The following RNF169 variants were observed in gnomAD, a reference collection of about 807,000 sequenced individuals.
RNF169 encodes the protein ring finger protein 169, also known as E3 ubiquitin-protein ligase RNF169.
A neutral mutation model predicts 53.9 loss-of-function variants in RNF169; 24 were observed. That is an observed-to-expected ratio of 0.45 (90% confidence interval 0.32 to 0.63). The LOEUF (loss-of-function observed/expected upper bound fraction) is 0.63, where lower values mean the gene tolerates loss of function less well. Among genes scored for constraint, RNF169 ranks in the 20% least tolerant of loss-of-function variants. The probability of loss-of-function intolerance (pLI) is 0.04; values close to 1 mark genes in which losing one functional copy is unlikely to be tolerated. For missense variants in RNF169, 883 were observed against 906.2 expected, an observed-to-expected ratio of 0.97 and a Z score of 0.33; for synonymous variants, 396 against 363.5, an observed-to-expected ratio of 1.09 and a Z score of -1.02.
At chr11:74,760,359 A>T (rs2035061736) in intron 1 of RNF169, among the ~76,000 whole-genome samples, 1 of 151,542 alleles carries the variant, frequency 6.6e-6, no homozygotes, top group East Asian at 1.9e-4. Flanking sequence ...CTAGCTTTTG[A>T]ATGTGTTTGC....
At chr11:74,814,500 G>C (rs73492743) in intron 3 of RNF169, among the ~76,000 whole-genome samples, 5,452 of 148,198 alleles carry the variant, frequency 0.037, 90 homozygotes, top group Middle Eastern at 0.048. Context: ...TTTTACTTCA[G>C]CCTCTGAAGT....
intron 4 of RNF169, chr11:74,832,619 A>G (rs2036196637): frequency 6.6e-6 from 1 of 152,168 alleles, no homozygotes; most frequent in South Asian, 2.1e-4. Context: ...CCAGGCAACT[A>G]TCGGTGAACT....
At chr11:74,762,485 G>T (rs1039035543) in intron 1 of RNF169, among the ~76,000 whole-genome samples, 16 of 152,184 alleles carry the variant, frequency 1.1e-4, no homozygotes, top group African/African-American at 3.4e-4. Context: ...GGTTTTCGGT[G>T]TGGATGTCCT....
intron 3 of RNF169, among the ~76,000 whole-genome samples, chr11:74,813,150 G>C (rs1056962386): frequency 6.6e-6 from 1 of 152,180 alleles, no homozygotes; most frequent in South Asian, 2.1e-4. Context: ...CCCCCACTTT[G>C]TAACTTTTAC....
intron 4 of RNF169, among the ~76,000 whole-genome samples, chr11:74,823,735 T>G: frequency 2.0e-5 from 1 of 50,982 alleles, no homozygotes; most frequent in African/African-American, 8.9e-5. Flanking sequence ...AGACCCTGTC[T>G]CAGAAAAAAA....
chr11:74,769,814 C>A (rs987945098), intron 1 of RNF169, among the ~76,000 whole-genome samples: 5 of 152,154 alleles, frequency 3.3e-5, no homozygotes, highest in Admixed American at 3.3e-4. Context: ...CTTGTACCCC[C>A]CAACAAGGTC....
intron 3 of RNF169, among the ~76,000 whole-genome samples, chr11:74,813,559 C>T (rs1464170624): frequency 2.0e-5 from 3 of 152,264 alleles, no homozygotes; most frequent in African/African-American, 4.8e-5. Flanking sequence ...GCCCTATAAA[C>T]GTTTTGATAC....
chr11:74,749,237 C>A lies in RNF169; in HGVS notation c.357C>A (p.Arg119=). ...CAGGCTGGGCCCGCCGTCGGGCCCG[C>A]GACGACGGCCAGGCCGACTCAGAGG... ...RGPGWARRRA[R]DDGQADSEVL... The change falls in exon 1 of 6, where the codon CGC becomes CGA. Residue 119 remains arginine, a synonymous_variant. Transcript: ENST00000299563. 1 of 1,080,286 alleles carries A rather than the reference C, an allele frequency of 9.3e-7. No homozygotes were observed. The highest frequency in any genetic ancestry group is 4.1e-4 in the Middle Eastern group (1 of 2,430). The allele number at this position is 1,080,286 out of a possible 1,614,324, so 66.9% of individuals were successfully genotyped here.
chr11:74,836,082 T>C lies in RNF169; in HGVS notation c.1479T>C (p.Tyr493=), dbSNP rs768557671. Residue 493 remains tyrosine, a synonymous_variant, in exon 6 of 6, where the codon TAT becomes TAC. Transcript: ENST00000299563. ...RLSGGQVLSE[Y]TGPTSADLDH... ...CTGGTGGGCAGGTCCTCTCTGAGTATACTGGACCCACCTCTGCTGATCTTG... is the reference window on the plus strand; with the variant it reads ...CTGGTGGGCAGGTCCTCTCTGAGTACACTGGACCCACCTCTGCTGATCTTG... The C allele has an allele frequency of 6.8e-6, 11 of 1,614,086 alleles. No homozygotes were observed. The Admixed American group carries it at 1.8e-4, about 27-fold the overall frequency.
rs905678269 is a variant in RNF169, at chr11:74,768,563, C to T, written c.502+19181C>T. On this transcript the variant is annotated intron_variant, in intron 1 of 5. Transcript: ENST00000299563. ...CGGTGGCTGTAGTGAGCTGAGATCACGCCACTGCACTGCAGTCTGGGTGAC... is the reference window on the plus strand; with the variant it reads ...CGGTGGCTGTAGTGAGCTGAGATCATGCCACTGCACTGCAGTCTGGGTGAC... 4.6e-4 allele frequency among the ~76,000 whole-genome samples: 69 copies of T among 150,166 alleles called. 1 individual carries two copies. Among genetic ancestry groups the T allele is most frequent in the African/African-American group, 1.6e-3 (67 of 40,614 alleles).
intron 1 of RNF169, among the ~76,000 whole-genome samples, chr11:74,765,908 A>G (rs964906002): frequency 8.5e-5 from 13 of 152,254 alleles, no homozygotes; most frequent in African/African-American, 3.1e-4. Flanking sequence ...AAGAAGTAGA[A>G]GATAGGAAAG....
At chr11:74,830,982 T>C (rs980138362) in intron 4 of RNF169, 21 of 152,046 alleles carry the variant, frequency 1.4e-4, no homozygotes, top group African/African-American at 5.1e-4. Flanking sequence ...ATGCTCAACA[T>C]GTAGGAAAAT....
chr11:74,764,603 T>C (rs2035143756), intron 1 of RNF169, among the ~76,000 whole-genome samples: 1 of 152,212 alleles, frequency 6.6e-6, no homozygotes, highest in African/African-American at 2.4e-5. Flanking sequence ...AAAGAACTTA[T>C]TATAAACCTA....
chr11:74,804,194 G>A (rs1285829650), intron 2 of RNF169, among the ~76,000 whole-genome samples: 1 of 152,126 alleles, frequency 6.6e-6, no homozygotes, highest in Non-Finnish European at 1.5e-5. Flanking sequence ...TGAGTGAGTG[G>A]GTATGTGTGT....
intron 4 of RNF169, among the ~76,000 whole-genome samples, chr11:74,825,336 C>T (rs948018953): frequency 2.0e-5 from 3 of 152,094 alleles, no homozygotes; most frequent in Admixed American, 6.6e-5. Flanking sequence ...TGAAACAACA[C>T]GTTCTTTAAA....
intron 1 of RNF169, among the ~76,000 whole-genome samples, chr11:74,761,399 C>T (rs1282485113): frequency 2.1e-5 from 3 of 144,720 alleles, no homozygotes; most frequent in Non-Finnish European, 3.0e-5. Context: ...GCAGTTTCTT[C>T]CTAGTCTCGA....
rs1242506274 is a variant in RNF169 at position 74,838,617 on chromosome 11, CTGTG to C, written c.*1894_*1897del. 6.6e-6 allele frequency: 1 copy of C among 152,346 alleles called. No homozygotes were observed. Among genetic ancestry groups the C allele is most frequent in the South Asian group, 2.1e-4 (1 of 4,826 alleles). The allele number at this position is 152,346 out of a possible 1,614,324, so 9.4% of individuals were successfully genotyped here. The stretch of plus-strand genomic sequence containing the variant: ...CCTGAATGTATGCATTCTGTGTTCT[CTGTG>C]TGTGTGCACATATGCAGATGTATGT... On this transcript the variant is annotated 3_prime_UTR_variant, in exon 6 of 6. Transcript: ENST00000299563.
intron 3 of RNF169, among the ~76,000 whole-genome samples, chr11:74,811,423 T>G (rs184049193): frequency 6.6e-6 from 1 of 152,176 alleles, no homozygotes; most frequent in Admixed American, 6.5e-5. Context: ...TTTGTAGAGA[T>G]AGGGTTTTAC....
At chr11:74,763,178 T>A (rs1372487921) in intron 1 of RNF169, among the ~76,000 whole-genome samples, 1 of 152,204 alleles carries the variant, frequency 6.6e-6, no homozygotes, top group Admixed American at 6.5e-5. Flanking sequence ...GTTTATATTA[T>A]ATGGCTCAGA....
Sources: allele counts gnomAD v4.1 joint callset (sites outside exome capture counted in the v4.1 genomes callset), GRCh38; gene constraint gnomAD v4.1.1; transcripts MANE v1.5; gene names NCBI Gene and HGNC (gene_info 2026-07-23, HGNC 2026-07-21).